CHST11: variants seen among roughly 807,000 people sequenced by gnomAD.
CHST11 encodes C4S-1.
Under a neutral mutation model 30.4 loss-of-function variants are expected in CHST11, and 9 were observed. The observed-to-expected ratio is 0.30, with a 90% confidence interval of 0.18 to 0.52. CHST11 has a LOEUF of 0.52. CHST11 is among the 20% of genes least tolerant of loss of function. CHST11 has a pLI of 0.97. For synonymous variants in CHST11, 152 were observed against 187.8 expected (o/e 0.81, Z 1.56); for missense variants, 348 against 460.6 (o/e 0.76, Z 2.24).
chr12:104,691,361 G>A (rs952967988), intron 2 of CHST11, among the ~76,000 whole-genome samples: 1 of 151,900 alleles, frequency 6.6e-6, no homozygotes, highest in African/African-American at 2.4e-5. Context: ...TTCATCCACT[G>A]TTAGATGAGC....
At chr12:104,687,784 CA>C (rs1226130780) in intron 2 of CHST11, among the ~76,000 whole-genome samples, 14 of 152,128 alleles carry the variant, frequency 9.2e-5, no homozygotes, top group African/African-American at 3.1e-4. Flanking sequence ...CCGCCCCCCC[CA>C]AAATTTTTTT....
At chr12:104,543,183 T>C (rs2038302077) in intron 1 of CHST11, among the ~76,000 whole-genome samples, 1 of 151,570 alleles carries the variant, frequency 6.6e-6, no homozygotes, top group African/African-American at 2.4e-5. Flanking sequence ...GGGGAGGAGG[T>C]GCCAGGGTCT....
At chr12:104,607,845 A>G (rs1000632634) in intron 2 of CHST11, among the ~76,000 whole-genome samples, 14 of 152,180 alleles carry the variant, frequency 9.2e-5, no homozygotes, top group Non-Finnish European at 1.6e-4. Flanking sequence ...CGAGGAGCCC[A>G]CAAAAACTGG....
chr12:104,641,684 C>G (rs938852184), intron 2 of CHST11, among the ~76,000 whole-genome samples: 21 of 152,112 alleles, frequency 1.4e-4, no homozygotes, highest in Admixed American at 4.6e-4. Context: ...CCTAAAACTG[C>G]TCAAAAAAGA....
chr12:104,620,388 T>C (rs1217554865), intron 2 of CHST11, among the ~76,000 whole-genome samples: 1 of 152,202 alleles, frequency 6.6e-6, no homozygotes, highest in Non-Finnish European at 1.5e-5. Flanking sequence ...ATCCAATTAT[T>C]CACGGTCATG....
rs574654368 is a variant in CHST11 at position 104,522,892 on chromosome 12, A to G, written c.118+65363A>G. Among the ~76,000 whole-genome samples the G allele has an allele frequency of 3.3e-4, 51 of 152,308 alleles. No homozygotes were observed. In the South Asian group the frequency reaches 0.01, roughly 31 times the overall value. ...TTTCTCATCATCCTTGATAAAGGCAAAATGGTGGTATGGTATAGAGACTTG... is the reference window on the plus strand; with the variant it reads ...TTTCTCATCATCCTTGATAAAGGCAGAATGGTGGTATGGTATAGAGACTTG... On this transcript the variant is annotated intron_variant, in intron 1 of 2. Coordinates refer to ENST00000303694, the MANE Select transcript of CHST11 (RefSeq NM_018413.6).
chr12:104,651,751 G>A (rs1031526385), intron 2 of CHST11, among the ~76,000 whole-genome samples: 2 of 152,088 alleles, frequency 1.3e-5, no homozygotes, highest in African/African-American at 2.4e-5. Context: ...TGCTCTTTGC[G>A]CGTAATTGTA....
chr12:104,745,713 G>A (rs2040384565), intron 2 of CHST11, among the ~76,000 whole-genome samples: 1 of 152,162 alleles, frequency 6.6e-6, no homozygotes, highest in Non-Finnish European at 1.5e-5. Flanking sequence ...GTGAATGGGA[G>A]TTCATTCCTG....
At chr12:104,535,618 G>C (rs1262044017) in intron 1 of CHST11, among the ~76,000 whole-genome samples, 1 of 152,154 alleles carries the variant, frequency 6.6e-6, no homozygotes, top group Non-Finnish European at 1.5e-5. Flanking sequence ...CCATTGCCAG[G>C]GTGGCTCAGT....
chr12:104,624,677 A>G (rs1005774852), intron 2 of CHST11, among the ~76,000 whole-genome samples: 41 of 152,168 alleles, frequency 2.7e-4, no homozygotes, highest in African/African-American at 9.7e-4. Context: ...CAGGCTCTCA[A>G]TTCTAGCTAG....
chr12:104,754,864 G>T (rs1288101627), intron 2 of CHST11, among the ~76,000 whole-genome samples: 1 of 152,172 alleles, frequency 6.6e-6, no homozygotes, highest in Non-Finnish European at 1.5e-5. Flanking sequence ...AGTGGCGATG[G>T]CATGTTATAG....
chr12:104,575,714 C>T (rs906554131), intron 1 of CHST11, among the ~76,000 whole-genome samples: 1 of 151,766 alleles, frequency 6.6e-6, no homozygotes, highest in African/African-American at 2.4e-5. Context: ...TAAAGGATGC[C>T]GAGCCACAGA....
chr12:104,656,597 C>T (rs1158498811), intron 2 of CHST11, among the ~76,000 whole-genome samples: 2 of 152,182 alleles, frequency 1.3e-5, no homozygotes, highest in African/African-American at 2.4e-5. Context: ...GGAATTTGCA[C>T]CGCAGGACAT....
intron 2 of CHST11, among the ~76,000 whole-genome samples, chr12:104,620,694 G>A (rs898175656): frequency 2.0e-5 from 3 of 152,090 alleles, no homozygotes; most frequent in African/African-American, 7.2e-5. Flanking sequence ...TGAGCAAGTG[G>A]CAAAATGAGC....
chr12:104,565,673 G>C (rs539510466), intron 1 of CHST11, among the ~76,000 whole-genome samples: 44 of 152,286 alleles, frequency 2.9e-4, no homozygotes, highest in African/African-American at 1.0e-3. Flanking sequence ...CAGGCAGCGG[G>C]GCAGGGAGTA....
chr12:104,579,902 T>C (rs2038723044), intron 1 of CHST11, among the ~76,000 whole-genome samples: 1 of 152,248 alleles, frequency 6.6e-6, no homozygotes, highest in Non-Finnish European at 1.5e-5. Context: ...GATCCTCTGC[T>C]GCTTCTGAAT....
intron 1 of CHST11, among the ~76,000 whole-genome samples, chr12:104,542,642 CATAGTGTGTGTTTTAGAAATACTA>C (rs2038296375): frequency 6.6e-6 from 1 of 152,220 alleles, no homozygotes; most frequent in African/African-American, 2.4e-5. Context: ...GTGTCCAGCA[CATAGTGTGTGTTTTAGAAATACTA>C]ATGAGTAGAC....
chr12:104,628,879 T>G (rs1162567377), intron 2 of CHST11, among the ~76,000 whole-genome samples: 1 of 152,220 alleles, frequency 6.6e-6, no homozygotes, highest in Admixed American at 6.5e-5. Context: ...GGTTATTTAT[T>G]TATTGCTGTC....
At chr12:104,679,723 G>A (rs1217444566) in intron 2 of CHST11, among the ~76,000 whole-genome samples, 1 of 152,130 alleles carries the variant, frequency 6.6e-6, no homozygotes, top group African/African-American at 2.4e-5. Flanking sequence ...TTCCCTTTTG[G>A]AAACTGCCAT....
Sources: allele counts gnomAD v4.1 joint callset (sites outside exome capture counted in the v4.1 genomes callset), GRCh38; gene constraint gnomAD v4.1.1; transcripts MANE v1.5; gene names NCBI Gene and HGNC (gene_info 2026-07-23, HGNC 2026-07-21).